Variants in TNR observed in about 807,000 individuals in gnomAD.
TNR encodes the protein tenascin R, also known as tenascin-R.
Under a neutral mutation model 150.4 loss-of-function variants are expected in TNR, and 45 were observed. The observed-to-expected ratio is 0.30, with a 90% CI of 0.24 to 0.38. The LOEUF is 0.38. TNR is among the 10% of genes least tolerant of loss of function. TNR has a pLI of 1.00. For missense variants in TNR, 1,544 were observed against 1,759.1 expected (o/e 0.88, Z 2.19); for synonymous variants, 687 against 678.4 (o/e 1.01, Z -0.20).
chr1:175,483,348 G>A (rs1248193373), intron 2 of TNR, among the ~76,000 whole-genome samples: 1 of 152,170 alleles, frequency 6.6e-6, no homozygotes, highest in East Asian at 1.9e-4. Context: ...CATGGAATCT[G>A]GAATGAATCT....
chr1:175,710,726 C>T (rs1242767343), intron 1 of TNR, among the ~76,000 whole-genome samples: 4 of 152,186 alleles, frequency 2.6e-5, no homozygotes, highest in Non-Finnish European at 5.9e-5. Context: ...CTGCAACAGT[C>T]TGGTCTCAGG....
chr1:175,558,078 C>T (rs1558005503), intron 1 of TNR, among the ~76,000 whole-genome samples: 2 of 119,404 alleles, frequency 1.7e-5, no homozygotes, highest in Admixed American at 8.9e-5. Flanking sequence ...ACAATGAGAT[C>T]ACATGGACAC....
chr1:175,435,957 A>G (rs1655489221), intron 2 of TNR, among the ~76,000 whole-genome samples: 1 of 152,196 alleles, frequency 6.6e-6, no homozygotes, highest in African/African-American at 2.4e-5. Flanking sequence ...AGAATGTTGA[A>G]TATTGGCCCC....
intron 14 of TNR, 132 bp downstream of exon 14, chr1:175,362,531 G>A: frequency 8.8e-7 from 1 of 1,136,778 alleles, no homozygotes; most frequent in Non-Finnish European, 1.2e-6. Flanking sequence ...AAATTGCCCT[G>A]CAAGACACAG....
chr1:175,715,774 A>G (rs746331069), intron 1 of TNR, among the ~76,000 whole-genome samples: 2 of 152,062 alleles, frequency 1.3e-5, no homozygotes, highest in Non-Finnish European at 2.9e-5. Flanking sequence ...GTGATGGGTG[A>G]GTTCATAACC....
At chr1:175,329,696 A>G (rs961476538) in intron 21 of TNR, among the ~76,000 whole-genome samples, 51 of 152,232 alleles carry the variant, frequency 3.4e-4, no homozygotes, top group Admixed American at 2.0e-3. Context: ...CTCTCACTGC[A>G]TAAGAGCCCA....
intron 1 of TNR, among the ~76,000 whole-genome samples, chr1:175,640,756 G>C (rs1365956842): frequency 6.7e-6 from 1 of 148,558 alleles, no homozygotes; most frequent in Non-Finnish European, 1.5e-5. Flanking sequence ...TCAATAACCT[G>C]TTACAACTAA....
At chr1:175,364,778 T>G (rs1365090496) in intron 12 of TNR, among the ~76,000 whole-genome samples, 1 of 152,222 alleles carries the variant, frequency 6.6e-6, no homozygotes, top group Non-Finnish European at 1.5e-5. Flanking sequence ...ATTCAAGCTT[T>G]GACCTCCTCA....
intron 1 of TNR, among the ~76,000 whole-genome samples, chr1:175,629,506 G>A (rs1184979044): frequency 1.3e-5 from 2 of 152,166 alleles, no homozygotes; most frequent in Non-Finnish European, 2.9e-5. Context: ...GTATAGAGAT[G>A]TGGGGGAGGG....
At chr1:175,424,060 A>C (rs1654866976) in intron 2 of TNR, among the ~76,000 whole-genome samples, 1 of 152,244 alleles carries the variant, frequency 6.6e-6, no homozygotes, top group Admixed American at 6.5e-5. Context: ...TAACTAGAAC[A>C]TACAGAAAGA....
At chr1:175,396,496 C>T in intron 5 of TNR, 48 bp downstream of exon 5, 2 of 1,591,740 alleles carry the variant, frequency 1.3e-6, no homozygotes, top group Non-Finnish European at 1.7e-6. Context: ...CCCATGATCT[C>T]ATGTAGGAGA....
intron 19 of TNR, among the ~76,000 whole-genome samples, chr1:175,336,923 C>T (rs1266912087): frequency 6.6e-6 from 1 of 152,210 alleles, no homozygotes; most frequent in Non-Finnish European, 1.5e-5. Flanking sequence ...GAGTCTTACT[C>T]ACTCTGTCAC....
At chr1:175,647,203 G>T (rs1017606604) in intron 1 of TNR, among the ~76,000 whole-genome samples, 5 of 151,676 alleles carry the variant, frequency 3.3e-5, no homozygotes, top group African/African-American at 1.2e-4. Context: ...AAAATATTTG[G>T]CATATGCAAA....
chr1:175,464,178 G>T (rs907184446), intron 2 of TNR, among the ~76,000 whole-genome samples: 6 of 152,174 alleles, frequency 3.9e-5, no homozygotes, highest in Non-Finnish European at 8.8e-5. Flanking sequence ...TCAAGGAAAA[G>T]AATTATTTGA....
rs140108128 is a variant in TNR, at chr1:175,426,755, C to T, written c.-63-19978G>A. Among the ~76,000 whole-genome samples, 477 of 135,046 alleles carry T rather than the reference C, an allele frequency of 3.5e-3. 1 individual carries two copies. Among genetic ancestry groups the T allele is most frequent in the Non-Finnish European group, 5.9e-3 (372 of 62,904 alleles). The allele number at this position is 135,046 out of a possible 152,430, so 88.6% of individuals were successfully genotyped here. ...TCTAATGTGTGTTTATATCTATACACGCGTGTGTGTGTATAAATATATATA... is the reference window on the plus strand; with the variant it reads ...TCTAATGTGTGTTTATATCTATACATGCGTGTGTGTGTATAAATATATATA... On this transcript the variant is annotated intron_variant, in intron 2 of 22. Coordinates refer to ENST00000367674, the MANE Select transcript of TNR (RefSeq NM_003285.3).
At chr1:175,565,716 A>G (rs1173293324) in intron 1 of TNR, among the ~76,000 whole-genome samples, 1 of 152,222 alleles carries the variant, frequency 6.6e-6, no homozygotes, top group African/African-American at 2.4e-5. Context: ...AGTGCACAAG[A>G]CTTACTTAAA....
At chr1:175,527,605 A>G (rs1054847466) in intron 2 of TNR, among the ~76,000 whole-genome samples, 1 of 152,230 alleles carries the variant, frequency 6.6e-6, no homozygotes, top group African/African-American at 2.4e-5. Flanking sequence ...CAGTATATCA[A>G]GTTTGAGTGC....
intron 1 of TNR, among the ~76,000 whole-genome samples, chr1:175,603,436 T>C (rs1663312918): frequency 6.6e-6 from 1 of 152,216 alleles, no homozygotes; most frequent in Non-Finnish European, 1.5e-5. Flanking sequence ...TTTTTTCAAG[T>C]TGCGAGGGGA....
chr1:175,353,123 A>G (rs952452571), intron 18 of TNR, among the ~76,000 whole-genome samples: 1 of 152,298 alleles, frequency 6.6e-6, no homozygotes, highest in East Asian at 1.9e-4. Flanking sequence ...GCAGCCTTAC[A>G]TTATGGACTG....
Sources: gnomAD v4.1 joint callset for allele counts (sites outside exome capture counted in the v4.1 genomes callset) on GRCh38, gnomAD v4.1.1 for gene constraint, MANE v1.5 for transcripts, NCBI Gene and HGNC (gene_info 2026-07-23, HGNC 2026-07-21) for gene names.